SRGAP2B: variants seen among roughly 807,000 people sequenced by gnomAD.
SRGAP2B encodes the protein SLIT-ROBO Rho GTPase activating protein 2B, also known as SLIT-ROBO Rho GTPase-activating protein 2B.
SRGAP2B carries 9 observed loss-of-function variants against 22.2 expected under a neutral mutation model. The observed-to-expected ratio is 0.41, with a 90% CI of 0.24 to 0.71. SRGAP2B has a LOEUF of 0.71. Ranked by LOEUF, SRGAP2B falls within the 30% of genes least tolerant of loss-of-function variation. SRGAP2B has a pLI of 0.35. For missense variants in SRGAP2B, 114 were observed against 235.8 expected, an observed-to-expected ratio of 0.48 and a Z score of 3.38; for synonymous variants, 36 against 87.4, an observed-to-expected ratio of 0.41 and a Z score of 3.28.
In SRGAP2B at chr1:144,909,648, T is replaced by C. The variant is rs1209484304; in HGVS notation, c.487-3574A>G. 2.0e-5 allele frequency among the ~76,000 whole-genome samples: 3 copies of C among 149,864 alleles called. No homozygotes were observed. The East Asian group carries it at 5.8e-4, about 29-fold the overall frequency. On this transcript the variant is annotated intron_variant, in intron 5 of 9. Transcript: ENST00000612199. ...CCCAAGATCCCCTCTCCCATTGTAG[T>C]GGAAGACTAGATGAGAGGTTTATTC...
chr1:144,932,432 A>C (rs1665267944), intron 4 of SRGAP2B, among the ~76,000 whole-genome samples: 2 of 151,150 alleles, frequency 1.3e-5, no homozygotes, highest in South Asian at 4.2e-4. Context: ...TCAGTTCCGC[A>C]TTCCTCCTGG....
intron 4 of SRGAP2B, chr1:144,918,229 T>C (rs1175569276): frequency 7.0e-6 from 1 of 142,730 alleles, no homozygotes; most frequent in Admixed American, 6.9e-5. Context: ...AAAAATTACT[T>C]TGGACAAAGT....
chr1:145,041,759 T>G (rs1649280816), intron 2 of SRGAP2B, among the ~76,000 whole-genome samples: 1 of 144,128 alleles, frequency 6.9e-6, no homozygotes, highest in Non-Finnish European at 1.5e-5. Flanking sequence ...AAATGCAAAT[T>G]ATGTGGCAAG....
chr1:144,954,755 T>C (rs1667135101), intron 4 of SRGAP2B, among the ~76,000 whole-genome samples: 1 of 150,482 alleles, frequency 6.6e-6, no homozygotes, highest in African/African-American at 2.5e-5. Context: ...TTTTGAGTTT[T>C]CCTTTGTCAA....
intron 3 of SRGAP2B, among the ~76,000 whole-genome samples, chr1:144,994,647 AC>A (rs1479078457): frequency 2.0e-5 from 3 of 147,206 alleles, no homozygotes; most frequent in Non-Finnish European, 3.0e-5. Flanking sequence ...AAGCCCCTTA[AC>A]CTTTTTATGC....
At chr1:144,967,477 G>T (rs1553612489) in intron 3 of SRGAP2B, among the ~76,000 whole-genome samples, 1 of 142,874 alleles carries the variant, frequency 7.0e-6, no homozygotes, top group Non-Finnish European at 1.5e-5. Flanking sequence ...GAATCTCTGG[G>T]ACGCATTCAA....
At chr1:145,013,796 C>A (rs1553622636) in intron 2 of SRGAP2B, among the ~76,000 whole-genome samples, 1 of 150,612 alleles carries the variant, frequency 6.6e-6, no homozygotes, top group Non-Finnish European at 1.5e-5. Context: ...CCCAATTATC[C>A]CTTTATAATT....
intron 4 of SRGAP2B, among the ~76,000 whole-genome samples, chr1:144,940,862 T>A (rs7525519): frequency 2.0e-5 from 3 of 147,460 alleles, no homozygotes; most frequent in African/African-American, 7.7e-5. Flanking sequence ...GAAAAAGCTA[T>A]GGGACAGCCA....
intron 2 of SRGAP2B, among the ~76,000 whole-genome samples, chr1:145,041,105 A>ATATATATG (rs1649204072): frequency 2.8e-5 from 3 of 107,354 alleles, no homozygotes; most frequent in South Asian, 3.1e-4. Flanking sequence ...ATATATATAT[A>ATATATATG]TAGTCTGCTT....
chr1:144,988,832 C>A (rs587697898), intron 3 of SRGAP2B, among the ~76,000 whole-genome samples: 1 of 145,180 alleles, frequency 6.9e-6, no homozygotes, highest in African/African-American at 2.7e-5. Context: ...TCCCTCAACA[C>A]CCCCACTTCT....
At chr1:144,943,648 GGA>G (rs1377325672) in intron 4 of SRGAP2B, among the ~76,000 whole-genome samples, 4 of 141,490 alleles carry the variant, frequency 2.8e-5, no homozygotes, top group African/African-American at 8.2e-5. Flanking sequence ...AGGGAGAGAA[GGA>G]GAGAGAGAGA....
At chr1:144,931,125 C>T in intron 4 of SRGAP2B, among the ~76,000 whole-genome samples, 2 of 148,944 alleles carry the variant, frequency 1.3e-5, no homozygotes, top group South Asian at 4.2e-4. Flanking sequence ...GACTCCAGCT[C>T]CCCCTCCATG....
intron 2 of SRGAP2B, among the ~76,000 whole-genome samples, chr1:145,076,083 T>TAA (rs1294075133): frequency 6.6e-6 from 1 of 150,476 alleles, no homozygotes; most frequent in Non-Finnish European, 1.5e-5. Flanking sequence ...TGAAACAACT[T>TAA]AAATGATCAG....
intron 2 of SRGAP2B, among the ~76,000 whole-genome samples, chr1:145,025,012 G>C (rs1317646629): frequency 6.8e-6 from 1 of 146,236 alleles, no homozygotes; most frequent in Admixed American, 6.8e-5. Flanking sequence ...TCAACACAGT[G>C]ACCACCCACA....
chr1:145,009,160 G>A (rs587766661), intron 2 of SRGAP2B, among the ~76,000 whole-genome samples: 1 of 137,200 alleles, frequency 7.3e-6, no homozygotes. Context: ...CTGGGCGACA[G>A]AGCGAGACTC....
At chr1:144,959,969 G>A (rs587630838) in intron 3 of SRGAP2B, among the ~76,000 whole-genome samples, 8 of 16,408 alleles carry the variant, frequency 4.9e-4, no homozygotes, top group Non-Finnish European at 1.0e-3. Context: ...GCAACGAGAC[G>A]TGATTTCATA....
chr1:145,020,404 G>A (rs1553623842), intron 2 of SRGAP2B, among the ~76,000 whole-genome samples: 1 of 124,566 alleles, frequency 8.0e-6, no homozygotes, highest in African/African-American at 3.4e-5. Flanking sequence ...TCCAACCTGG[G>A]CAAGAGAGAG....
intron 2 of SRGAP2B, among the ~76,000 whole-genome samples, chr1:145,019,354 GA>G (rs1378647114): frequency 2.0e-5 from 2 of 100,442 alleles, no homozygotes; most frequent in African/African-American, 4.2e-5. Context: ...CCAAAAAAAA[GA>G]AAAAAAAGAA....
intron 2 of SRGAP2B, among the ~76,000 whole-genome samples, chr1:145,090,193 G>T (rs1448664180): frequency 4.7e-5 from 7 of 148,860 alleles, no homozygotes; most frequent in Non-Finnish European, 8.9e-5. Flanking sequence ...TCTAGCTAGT[G>T]GGGGGCAGAG....
Sources: allele counts gnomAD v4.1 joint callset (sites outside exome capture counted in the v4.1 genomes callset), GRCh38; gene constraint gnomAD v4.1.1; transcripts MANE v1.5; gene names NCBI Gene and HGNC (gene_info 2026-07-23, HGNC 2026-07-21).